The following HHLA1 variants were observed in gnomAD, a reference collection of about 807,000 sequenced individuals.
HHLA1 encodes HERV-H LTR-associating protein 1.
In HHLA1, 72 loss-of-function variants were observed where a neutral mutation model predicts 69.9. The observed-to-expected ratio is 1.03, with a 90% CI of 0.85 to 1.25. The LOEUF is 1.25. HHLA1 is among the 50% of genes most tolerant of loss of function. The probability of loss-of-function intolerance (pLI) is 0.00; values close to 1 mark genes in which losing one functional copy is unlikely to be tolerated. For missense variants in HHLA1, 685 were observed against 642.2 expected (o/e 1.07, Z -0.72); for synonymous variants, 252 against 233.2 (o/e 1.08, Z -0.73).
intron 1 of HHLA1, among the ~76,000 whole-genome samples, chr8:132,107,529 A>G (rs1479727639): frequency 6.6e-6 from 1 of 151,920 alleles, no homozygotes; most frequent in East Asian, 1.9e-4. Flanking sequence ...TCGACTCCCG[A>G]CCTCAGATGA....
At position 132,064,133 on chromosome 8, in the gene HHLA1, A is replaced by G. The variant is rs571947140; in HGVS notation, c.1553-95T>C. 2.2e-4 allele frequency: 158 copies of G among 711,410 alleles called. No homozygotes were observed. In the African/African-American group the frequency reaches 2.8e-3, roughly 12 times the overall value. The allele number at this position is 711,410 out of a possible 1,614,324, so 44.1% of individuals were successfully genotyped here. On this transcript the variant is annotated intron_variant, in intron 16 of 16. Transcript: ENST00000414222. The stretch of plus-strand genomic sequence containing the variant: ...ACCCTGATGTCGCCAACAAGGGTCT[A>G]GCCTCTTCCGGAGAGCAAGTGTGGG...
chr8:132,066,875 C>T (rs1029253832), intron 15 of HHLA1, among the ~76,000 whole-genome samples: 1 of 152,210 alleles, frequency 6.6e-6, no homozygotes, highest in Non-Finnish European at 1.5e-5. Context: ...ACCCAGGTAA[C>T]CCACTTTATG....
rs1279930763 is a variant in HHLA1 at position 132,080,319 on chromosome 8, G to C, written c.677-353C>G. 4 of 361,962 alleles carry C rather than the reference G, an allele frequency of 1.1e-5. No individual in the cohort carries two copies. The Admixed American group carries it at 1.5e-4, about 13-fold the overall frequency. The allele number at this position is 361,962 out of a possible 1,614,324, so 22.4% of individuals were successfully genotyped here. A position where few individuals can be genotyped will look rare whatever the true frequency, so the allele number is the denominator to read the frequency against. On this transcript the variant is annotated intron_variant, in intron 10 of 16. Coordinates refer to ENST00000414222, the MANE Select transcript of HHLA1 (RefSeq NM_001145095.3). ...GTTTATTTCACCTGGGTGCAGGCGG[G>C]CTGAGTCCGAAAAGAGAGTCAGTGA...
In HHLA1 at chr8:132,076,044, C is replaced by G; in HGVS notation, c.1315+11G>C. The G allele has an allele frequency of 6.5e-7, 1 of 1,542,970 alleles. No homozygotes were observed. Among genetic ancestry groups the G allele is most frequent in the Non-Finnish European group, 8.8e-7 (1 of 1,139,212 alleles). On this transcript the variant is annotated intron_variant, in intron 14 of 16. Coordinates refer to ENST00000414222, the MANE Select transcript of HHLA1 (RefSeq NM_001145095.3). ...CACAAGCAATAGTAATGACTGGGCA[C>G]TGGTACTTACTTGAAACTTGATGGG...
At chr8:132,095,819 G>C (rs1369508497) in intron 5 of HHLA1, 33 bp from the exon 6 acceptor site, 1 of 1,365,494 alleles carries the variant, frequency 7.3e-7, no homozygotes, top group South Asian at 1.3e-5. Flanking sequence ...GAGACAGACA[G>C]ATGCCTACTA....
chr8:132,103,375 T>C (rs747655331), intron 3 of HHLA1, among the ~76,000 whole-genome samples: 1 of 152,212 alleles, frequency 6.6e-6, no homozygotes, highest in Non-Finnish European at 1.5e-5. Flanking sequence ...CCTAGCACTT[T>C]GGAAGGCCGA....
intron 14 of HHLA1, among the ~76,000 whole-genome samples, chr8:132,075,822 A>C (rs893047840): frequency 1.3e-5 from 2 of 152,236 alleles, no homozygotes; most frequent in South Asian, 4.1e-4. Context: ...AGATAAAAAA[A>C]CAGGCATTTT....
intron 10 of HHLA1, 26 bp downstream of exon 10, chr8:132,087,627 G>A (rs1823884580): frequency 6.8e-7 from 1 of 1,479,484 alleles, no homozygotes; most frequent in East Asian, 2.5e-5. Flanking sequence ...GAGTCTATGG[G>A]AGGAGTTTGG....
At chr8:132,101,259 C>A (rs1469141811) in intron 3 of HHLA1, 5 of 1,550,140 alleles carry the variant, frequency 3.2e-6, no homozygotes. Flanking sequence ...TTCTTAACAT[C>A]TTTATTTCCA....
chr8:132,105,060 T>C (rs1824181213), intron 2 of HHLA1, 127 bp downstream of exon 2: 1 of 734,716 alleles, frequency 1.4e-6, no homozygotes, highest in Admixed American at 2.3e-5. Flanking sequence ...GAAGTTATTC[T>C]TGCCATTTTG....
intron 11 of HHLA1, among the ~76,000 whole-genome samples, chr8:132,078,968 T>C (rs988295319): frequency 2.0e-5 from 3 of 152,240 alleles, no homozygotes; most frequent in Non-Finnish European, 4.4e-5. Context: ...GTGCACAACT[T>C]GCAGGTTTGT....
In HHLA1 at chr8:132,101,280, T is replaced by C. The variant is rs771668785; in HGVS notation, c.140-1146A>G. Reference sequence around the variant, plus strand: ...ACATCTTTATTTCCAGACACTGAAATAAAAGTTTTCATGAATAAAATAGTA... The same window carrying C: ...ACATCTTTATTTCCAGACACTGAAACAAAAGTTTTCATGAATAAAATAGTA... On this transcript the variant is annotated intron_variant, in intron 3 of 16. Transcript: ENST00000414222. 18 of 1,549,764 alleles carry C rather than the reference T, an allele frequency of 1.2e-5. 1 individual carries two copies. The South Asian group carries it at 1.2e-4, about 10-fold the overall frequency.
At chr8:132,079,567 G>T in intron 11 of HHLA1, 151 bp downstream of exon 11, 2 of 802,506 alleles carry the variant, frequency 2.5e-6, no homozygotes, top group Non-Finnish European at 3.8e-6. Context: ...ACCCATACCG[G>T]CTCATACAGA....
chr8:132,092,400 T>C (rs879698653), intron 7 of HHLA1, among the ~76,000 whole-genome samples: 2 of 152,190 alleles, frequency 1.3e-5, no homozygotes, highest in Non-Finnish European at 2.9e-5. Context: ...TTTGGATCTG[T>C]GTCCTTGCCC....
intron 10 of HHLA1, chr8:132,085,563 C>G (rs562193830): frequency 1.2e-5 from 3 of 258,358 alleles, no homozygotes; most frequent in Non-Finnish European, 2.3e-5. Flanking sequence ...CATGCGCGTC[C>G]GTGTGAAGAG....
intron 1 of HHLA1, among the ~76,000 whole-genome samples, chr8:132,105,890 T>C (rs1267062284): frequency 2.0e-5 from 3 of 152,228 alleles, no homozygotes; most frequent in East Asian, 3.8e-4. Context: ...CATAGGAATA[T>C]GTGTGTTCAC....
intron 11 of HHLA1, 27 bp downstream of exon 11, chr8:132,079,691 G>T: frequency 6.6e-7 from 1 of 1,520,670 alleles, no homozygotes; most frequent in South Asian, 1.3e-5. Context: ...ATAGCAAAGG[G>T]GAGGAAAGGG....
chr8:132,078,607 T>C (rs1823686868), intron 11 of HHLA1, among the ~76,000 whole-genome samples: 1 of 152,184 alleles, frequency 6.6e-6, no homozygotes, highest in Non-Finnish European at 1.5e-5. Context: ...GAAGCCTGTG[T>C]CTCCTCTATG....
chr8:132,087,594 G>T, intron 10 of HHLA1, 59 bp downstream of exon 10: 1 of 1,073,628 alleles, frequency 9.3e-7, no homozygotes, highest in Non-Finnish European at 1.4e-6. Flanking sequence ...TCATTAGTGT[G>T]CCAGGTGGGA....
Sources: gnomAD v4.1 joint callset for allele counts (sites outside exome capture counted in the v4.1 genomes callset) on GRCh38, gnomAD v4.1.1 for gene constraint, MANE v1.5 for transcripts, NCBI Gene and HGNC (gene_info 2026-07-23, HGNC 2026-07-21) for gene names.